The following CAPRIN1 variants were observed in gnomAD, a reference collection of about 807,000 sequenced individuals.
The protein encoded by CAPRIN1 is caprin-1.
A neutral mutation model predicts 100.9 loss-of-function variants in CAPRIN1; 29 were observed. That is an observed-to-expected ratio of 0.29 (90% CI 0.21 to 0.39). CAPRIN1 has a LOEUF of 0.39. Ranked by LOEUF, CAPRIN1 falls within the 10% of genes least tolerant of loss-of-function variation. CAPRIN1 has a pLI of 1.00. For synonymous variants in CAPRIN1, 338 were observed against 307.5 expected, an observed-to-expected ratio of 1.10 and a Z score of -1.04; for missense variants, 795 against 876.7, an observed-to-expected ratio of 0.91 and a Z score of 1.18.
chr11:34,090,402 A>C, intron 13 of CAPRIN1, 113 bp downstream of exon 13: 1 of 1,312,718 alleles, frequency 7.6e-7, no homozygotes, highest in South Asian at 1.3e-5. Context: ...CTTTGCTTTC[A>C]TGAAATATTT....
chr11:34,065,789 A>C (rs1850677092), intron 2 of CAPRIN1, among the ~76,000 whole-genome samples: 1 of 152,116 alleles, frequency 6.6e-6, no homozygotes, highest in Non-Finnish European at 1.5e-5. Context: ...AAGTTTTGGT[A>C]TTTCCTCTTA....
At chr11:34,053,618 A>G (rs571902893) in intron 2 of CAPRIN1, 1 of 151,864 alleles carries the variant, frequency 6.6e-6, no homozygotes, top group South Asian at 2.1e-4. Context: ...AAATCGAGCC[A>G]CACCCACGAT....
chr11:34,084,628 G>A (rs1018182359), intron 9 of CAPRIN1, among the ~76,000 whole-genome samples: 2 of 152,258 alleles, frequency 1.3e-5, no homozygotes, highest in Non-Finnish European at 2.9e-5. Flanking sequence ...TGGAGGATAA[G>A]TGAACCTGTG....
chr11:34,088,239 GT>G (rs1851190059), intron 11 of CAPRIN1, among the ~76,000 whole-genome samples: 4 of 152,090 alleles, frequency 2.6e-5, no homozygotes, highest in African/African-American at 9.7e-5. Flanking sequence ...TCTTGACCTC[GT>G]GATCCACCCG....
At chr11:34,083,852 G>A (rs576440054) in intron 9 of CAPRIN1, among the ~76,000 whole-genome samples, 1 of 152,060 alleles carries the variant, frequency 6.6e-6, no homozygotes, top group Non-Finnish European at 1.5e-5. Flanking sequence ...TGGATCACAT[G>A]AGGCCAAGAG....
intron 2 of CAPRIN1, 102 bp downstream of exon 2, chr11:34,052,738 G>A: frequency 2.8e-6 from 4 of 1,435,190 alleles, no homozygotes; most frequent in African/African-American, 1.4e-5. Context: ...TCTCGGGAGC[G>A]TTACTAGGTC....
chr11:34,076,136 T>G, intron 4 of CAPRIN1, 100 bp from the exon 5 acceptor site: 1 of 738,672 alleles, frequency 1.4e-6, no homozygotes, highest in East Asian at 2.6e-5. Context: ...CATATCTCAC[T>G]CATTGAGTAA....
chr11:34,063,578 C>G (rs933125956), intron 2 of CAPRIN1, among the ~76,000 whole-genome samples: 2 of 152,186 alleles, frequency 1.3e-5, no homozygotes, highest in Non-Finnish European at 1.5e-5. Context: ...ACTCTGACAT[C>G]TACTGGGTGT....
At chr11:34,093,394 A>G (rs577008915) in intron 15 of CAPRIN1, among the ~76,000 whole-genome samples, 12 of 152,176 alleles carry the variant, frequency 7.9e-5, no homozygotes, top group African/African-American at 2.2e-4. Context: ...CCTTATAGGC[A>G]TGAGCCACCA....
intron 2 of CAPRIN1, among the ~76,000 whole-genome samples, chr11:34,058,407 G>T (rs1037699301): frequency 4.6e-5 from 7 of 152,216 alleles, no homozygotes; most frequent in Non-Finnish European, 8.8e-5. Flanking sequence ...AAAGTGCTGG[G>T]ATTACAGGCG....
At chr11:34,077,932 TAAA>T (rs1254905870) in intron 6 of CAPRIN1, among the ~76,000 whole-genome samples, 1 of 152,204 alleles carries the variant, frequency 6.6e-6, no homozygotes, top group African/African-American at 2.4e-5. Flanking sequence ...CTTGTTAACT[TAAA>T]AAAGTAGTTT....
intron 15 of CAPRIN1, chr11:34,096,163 T>C (rs1353817074): frequency 5.3e-6 from 1 of 189,528 alleles, no homozygotes; most frequent in African/African-American, 2.3e-5. Context: ...TTGGGTCTCT[T>C]GTGCTAAAAA....
At chr11:34,070,815 G>A (rs1471627282) in intron 2 of CAPRIN1, among the ~76,000 whole-genome samples, 3 of 151,842 alleles carry the variant, frequency 2.0e-5, no homozygotes, top group South Asian at 4.2e-4. Context: ...TGATTCTCCC[G>A]CCTCAGCCTC....
rs996593195 is a variant in CAPRIN1 at position 34,091,912 on chromosome 11, A to C, written c.1561A>C (p.Asn521His). The change falls in exon 15 of 19, where the codon AAT (asparagine) becomes CAT (histidine). Residue 521 changes from asparagine (N) to histidine (H), a missense_variant. Asn to His is a moderately conservative substitution (Grantham distance 68, BLOSUM62 1). Coordinates refer to ENST00000341394, the MANE Select transcript of CAPRIN1 (RefSeq NM_005898.5). The stretch of plus-strand genomic sequence containing the variant: ...TTACTTTATTTACTAACAGGTGTTC[A>C]ATATGAATGCCCCAGTTCCTCCTGT... Reference protein sequence around the residue: ...APFQSMQTVFNMNAPVPPVNE... With the variant: ...APFQSMQTVFHMNAPVPPVNE... 1.2e-6 allele frequency: 2 copies of C among 1,611,120 alleles called. No individual in the cohort carries two copies. The highest frequency in any genetic ancestry group is 1.7e-6 in the Non-Finnish European group (2 of 1,179,070).
At chr11:34,094,335 C>T (rs904783391) in intron 15 of CAPRIN1, among the ~76,000 whole-genome samples, 2 of 152,086 alleles carry the variant, frequency 1.3e-5, no homozygotes, top group Admixed American at 6.5e-5. Flanking sequence ...GGATTACAGG[C>T]GTGAGCCACC....
At position 34,086,152 on chromosome 11, in the gene CAPRIN1, C is replaced by G. The variant is rs777097874; in HGVS notation, c.1055C>G (p.Pro352Arg). 1.9e-6 allele frequency: 3 copies of G among 1,614,124 alleles called. No homozygotes were observed. The South Asian group carries it at 3.3e-5, about 18-fold the overall frequency. Residue 352 changes from proline to arginine, a missense_variant, in exon 10 of 19, where the codon CCC becomes CGC. Around this residue, in one of 3 missense-constraint regions of CAPRIN1, gnomAD observed 648 missense variants for 697.9 expected, o/e 0.93. Coordinates refer to ENST00000341394, the MANE Select transcript of CAPRIN1 (RefSeq NM_005898.5). ...HSLTPVAQAD[P>R]LVRRQRVQDL... ...TTGACTCCAGTGGCTCAGGCAGATCCCCTTGTGAGAAGACAGCGAGTACAA... is the reference window on the plus strand; with the variant it reads ...TTGACTCCAGTGGCTCAGGCAGATCGCCTTGTGAGAAGACAGCGAGTACAA...
chr11:34,092,155 T>G, intron 15 of CAPRIN1, 99 bp downstream of exon 15: 1 of 1,236,072 alleles, frequency 8.1e-7, no homozygotes, highest in Non-Finnish European at 1.1e-6. Context: ...TGTCCAAGAG[T>G]TTCTGTTTTA....
intron 15 of CAPRIN1, among the ~76,000 whole-genome samples, chr11:34,094,525 T>A (rs1236200082): frequency 2.0e-5 from 3 of 149,782 alleles, no homozygotes; most frequent in African/African-American, 7.5e-5. Context: ...TAAAATAAAA[T>A]GAAGGCTGGG....
At chr11:34,055,780 G>A (rs961248299) in intron 2 of CAPRIN1, 1 of 152,194 alleles carries the variant, frequency 6.6e-6, no homozygotes, top group Admixed American at 6.5e-5. Context: ...TTAAGTGGTA[G>A]ATAGCAGCAA....
Sources: allele counts gnomAD v4.1 joint callset (sites outside exome capture counted in the v4.1 genomes callset), GRCh38; gene constraint gnomAD v4.1.1; regional missense constraint gnomAD v4.1.1; transcripts MANE v1.5; gene names NCBI Gene and HGNC (gene_info 2026-07-23, HGNC 2026-07-21).